DYM: variants seen among roughly 807,000 people sequenced by gnomAD.
The protein encoded by DYM is dyggve-Melchior-Clausen syndrome protein.
Under a neutral mutation model 93.1 loss-of-function variants are expected in DYM, and 78 were observed. The ratio of observed to expected loss-of-function variants is 0.84; its 90% CI spans 0.70 to 1.01. The LOEUF is 1.01. Among genes scored for constraint, DYM ranks in the 50% least tolerant of loss-of-function variants. The pLI, the probability that DYM is intolerant of heterozygous loss-of-function variation, is 0.00. For synonymous variants in DYM, 321 were observed against 319.7 expected, an observed-to-expected ratio of 1.00 and a Z score of -0.04; for missense variants, 789 against 845.0, an observed-to-expected ratio of 0.93 and a Z score of 0.82.
intron 10 of DYM, among the ~76,000 whole-genome samples, chr18:49,273,289 A>G (rs909487286): frequency 3.3e-5 from 5 of 152,202 alleles, no homozygotes; most frequent in African/African-American, 1.2e-4. Context: ...GAAGTATACC[A>G]GTTACCAAGC....
chr18:49,037,500 C>T lies in DYM; in HGVS notation c.*6555G>A, dbSNP rs1007812162. The stretch of plus-strand genomic sequence containing the variant: ...GGTACTATGTTCACTATCTGGGTGA[C>T]AGGATCATTAGGAGCCCAAACCTCA... On this transcript the variant is annotated 3_prime_UTR_variant, in exon 18 of 18. Coordinates refer to ENST00000675505, the MANE Select transcript of DYM (RefSeq NM_001353214.3). Among the ~76,000 whole-genome samples the T allele has an allele frequency of 5.9e-5, 9 of 152,126 alleles. No individual in the cohort carries two copies. The highest frequency in any genetic ancestry group is 2.2e-4 in the African/African-American group (9 of 41,430).
intron 17 of DYM, among the ~76,000 whole-genome samples, chr18:49,094,994 T>C (rs1292606366): frequency 6.6e-6 from 1 of 152,220 alleles, no homozygotes; most frequent in Admixed American, 6.5e-5. Context: ...TATATATTAT[T>C]CCACATTTTC....
At chr18:49,066,529 T>C (rs1277561617) in intron 17 of DYM, among the ~76,000 whole-genome samples, 15 of 152,174 alleles carry the variant, frequency 9.9e-5, no homozygotes, top group Admixed American at 9.8e-4. Context: ...GGACACTGGG[T>C]TGTTTCCAGG....
intron 7 of DYM, among the ~76,000 whole-genome samples, chr18:49,332,255 T>A (rs1184626232): frequency 1.3e-5 from 2 of 152,186 alleles, no homozygotes; most frequent in Non-Finnish European, 2.9e-5. Context: ...AAATACTTTT[T>A]TTCTGCAGTG....
chr18:49,441,311 A>AATTATACAT (rs1568455312), intron 1 of DYM, among the ~76,000 whole-genome samples: 1 of 34,382 alleles, frequency 2.9e-5, no homozygotes, highest in Non-Finnish European at 4.6e-5. Context: ...ATATATAATT[A>AATTATACAT]ATATATAATT....
chr18:49,189,105 G>C (rs1251086378), intron 14 of DYM, among the ~76,000 whole-genome samples: 2 of 152,058 alleles, frequency 1.3e-5, no homozygotes, highest in Non-Finnish European at 2.9e-5. Flanking sequence ...CCAAACACTG[G>C]GTACACATGG....
At chr18:49,317,691 T>TCC (rs760716886) in intron 8 of DYM, among the ~76,000 whole-genome samples, 11,662 of 48,244 alleles carry the variant, frequency 0.24, 2,133 homozygotes, top group Admixed American at 0.28. Context: ...CTTCCTTCCT[T>TCC]TCTTTCTTTC....
intron 3 of DYM, among the ~76,000 whole-genome samples, chr18:49,385,428 G>T (rs1442788701): frequency 6.6e-6 from 1 of 152,200 alleles, no homozygotes; most frequent in African/African-American, 2.4e-5. Context: ...GGGCACAGTG[G>T]CTCAAGCCTG....
At chr18:49,288,208 A>G (rs976818807) in intron 8 of DYM, among the ~76,000 whole-genome samples, 1 of 152,204 alleles carries the variant, frequency 6.6e-6, no homozygotes, top group Non-Finnish European at 1.5e-5. Flanking sequence ...TTACTGACAC[A>G]CTATAACTAA....
At chr18:49,299,684 T>C (rs1316788000) in intron 8 of DYM, among the ~76,000 whole-genome samples, 1 of 152,182 alleles carries the variant, frequency 6.6e-6, no homozygotes, top group African/African-American at 2.4e-5. Flanking sequence ...TTACATTAAA[T>C]AGGAAAACAA....
intron 10 of DYM, among the ~76,000 whole-genome samples, chr18:49,280,117 T>C (rs957749215): frequency 2.0e-5 from 3 of 152,208 alleles, no homozygotes; most frequent in Non-Finnish European, 2.9e-5. Context: ...CTACATACTA[T>C]GTATTTCAAA....
intron 15 of DYM, among the ~76,000 whole-genome samples, chr18:49,157,195 T>C (rs1296262737): frequency 6.6e-6 from 1 of 152,178 alleles, no homozygotes; most frequent in Non-Finnish European, 1.5e-5. Context: ...CCTCCGGATG[T>C]TGCTGCTCAC....
At chr18:49,200,335 A>G (rs968875432) in intron 14 of DYM, among the ~76,000 whole-genome samples, 4 of 151,970 alleles carry the variant, frequency 2.6e-5, no homozygotes, top group Non-Finnish European at 4.4e-5. Context: ...ATTTTTATAC[A>G]TTATCTGGTT....
chr18:49,127,924 C>T (rs1241971439), intron 15 of DYM, among the ~76,000 whole-genome samples: 1 of 152,202 alleles, frequency 6.6e-6, no homozygotes, highest in Non-Finnish European at 1.5e-5. Flanking sequence ...GTCACCGCAC[C>T]ACTGGTCTCA....
chr18:49,307,562 G>A (rs574281075), intron 8 of DYM, among the ~76,000 whole-genome samples: 1 of 152,260 alleles, frequency 6.6e-6, no homozygotes, highest in South Asian at 2.1e-4. Context: ...GCTAAAATGA[G>A]GAAGGGGTAC....
chr18:49,204,693 A>C (rs576536072), intron 14 of DYM, among the ~76,000 whole-genome samples: 1 of 152,334 alleles, frequency 6.6e-6, no homozygotes, highest in African/African-American at 2.4e-5. Context: ...ACCATATCAC[A>C]ATCATTGTCA....
chr18:49,044,279 G>A (rs1259238226), intron 17 of DYM, 75 bp from the exon 18 acceptor site: 2 of 1,560,508 alleles, frequency 1.3e-6, no homozygotes, highest in Non-Finnish European at 8.8e-7. Context: ...TTTGCAGGTG[G>A]TGCTGTGGTG....
chr18:49,402,843 T>C (rs1717499952), intron 2 of DYM, among the ~76,000 whole-genome samples: 1 of 152,222 alleles, frequency 6.6e-6, no homozygotes, highest in South Asian at 2.1e-4. Flanking sequence ...AAAGCAGATA[T>C]GCCCCTGGTA....
intron 14 of DYM, among the ~76,000 whole-genome samples, chr18:49,190,195 C>G (rs1237492944): frequency 6.6e-6 from 1 of 152,202 alleles, no homozygotes; most frequent in Non-Finnish European, 1.5e-5. Context: ...GTACAATCAG[C>G]TAAACTGTGA....
Sources: allele counts gnomAD v4.1 joint callset (sites outside exome capture counted in the v4.1 genomes callset), GRCh38; gene constraint gnomAD v4.1.1; transcripts MANE v1.5; gene names NCBI Gene and HGNC (gene_info 2026-07-23, HGNC 2026-07-21).